ELAPOR1: variants seen among roughly 807,000 people sequenced by gnomAD.
ELAPOR1 encodes the protein endosome-lysosome associated apoptosis and autophagy regulator 1.
In ELAPOR1, 77 loss-of-function variants were observed where a neutral mutation model predicts 119.7. The observed-to-expected ratio is 0.64, with a 90% CI of 0.54 to 0.78. The LOEUF is 0.78. Ranked by LOEUF, ELAPOR1 falls within the 30% of genes least tolerant of loss-of-function variation. ELAPOR1 has a pLI of 0.00. For synonymous variants in ELAPOR1, 481 were observed against 487.2 expected (o/e 0.99, Z 0.17); for missense variants, 1,115 against 1,270.4 (o/e 0.88, Z 1.86).
intron 18 of ELAPOR1, among the ~76,000 whole-genome samples, chr1:109,199,557 G>A (rs1055443709): frequency 6.6e-6 from 1 of 150,844 alleles, no homozygotes; most frequent in African/African-American, 2.4e-5. Flanking sequence ...GAACCTCAAA[G>A]GGGTTGATGA....
At chr1:109,188,628 G>T (rs1653225391) in intron 9 of ELAPOR1, among the ~76,000 whole-genome samples, 2 of 152,058 alleles carry the variant, frequency 1.3e-5, no homozygotes, top group Non-Finnish European at 1.5e-5. Flanking sequence ...CTCAAAGCAG[G>T]GCTTCCAGCA....
chr1:109,188,461 G>T (rs1653211769), intron 9 of ELAPOR1, 107 bp downstream of exon 9: 3 of 1,327,200 alleles, frequency 2.3e-6, no homozygotes, highest in Non-Finnish European at 2.1e-6. Context: ...TCCAAGGGAG[G>T]CAGTAAGGAA....
chr1:109,177,146 C>G (rs1307660161), intron 7 of ELAPOR1, among the ~76,000 whole-genome samples: 1 of 148,932 alleles, frequency 6.7e-6, no homozygotes, highest in African/African-American at 2.5e-5. Flanking sequence ...GGGTGGTGGC[C>G]GGGCAGAGGG....
chr1:109,193,799 C>T (rs894444821), intron 14 of ELAPOR1, among the ~76,000 whole-genome samples: 9 of 152,316 alleles, frequency 5.9e-5, no homozygotes, highest in South Asian at 4.1e-4. Flanking sequence ...CAACCTCTTT[C>T]GGGTACCCTG....
Position 109,141,463 on chromosome 1 carries a change from G to A in ELAPOR1, c.154-20431G>A, listed in dbSNP as rs139462326. On this transcript the variant is annotated intron_variant, in intron 1 of 21. Transcript: ENST00000369939. Reference sequence around the variant, plus strand: ...TTTTTAGTAGAGACAGGGTTTCACCGTGTTAGCCAGGATGATCTCGAATTC... The same window carrying A: ...TTTTTAGTAGAGACAGGGTTTCACCATGTTAGCCAGGATGATCTCGAATTC... Among the ~76,000 whole-genome samples, 346 of 151,552 alleles carry A rather than the reference G, an allele frequency of 2.3e-3. 3 individuals are homozygous for A. The highest frequency in any genetic ancestry group is 8.0e-3 in the African/African-American group (331 of 41,306).
At chr1:109,173,138 AG>A (rs1652026972) in intron 5 of ELAPOR1, among the ~76,000 whole-genome samples, 1 of 139,276 alleles carries the variant, frequency 7.2e-6, no homozygotes, top group East Asian at 2.1e-4. Context: ...TATTCTGGGG[AG>A]GGGGGCTGTC....
At chr1:109,167,532 A>G (rs1457560962) in intron 3 of ELAPOR1, among the ~76,000 whole-genome samples, 1 of 152,176 alleles carries the variant, frequency 6.6e-6, no homozygotes, top group East Asian at 1.9e-4. Context: ...CTCTGCCTCA[A>G]GAGACTCCAA....
intron 1 of ELAPOR1, among the ~76,000 whole-genome samples, chr1:109,132,835 T>C (rs1649231014): frequency 6.6e-6 from 1 of 152,176 alleles, no homozygotes; most frequent in South Asian, 2.1e-4. Flanking sequence ...AATTAACTAA[T>C]GAATTAATTG....
intron 3 of ELAPOR1, among the ~76,000 whole-genome samples, chr1:109,169,537 C>T (rs1651801470): frequency 6.6e-6 from 1 of 152,172 alleles, no homozygotes; most frequent in Admixed American, 6.5e-5. Context: ...GCATGAGCCA[C>T]CACGCCCACC....
intron 7 of ELAPOR1, among the ~76,000 whole-genome samples, chr1:109,179,409 CAAA>C (rs773712424): frequency 5.9e-5 from 3 of 50,448 alleles, no homozygotes; most frequent in African/African-American, 7.4e-5. Flanking sequence ...ACTCTGTCTC[CAAA>C]AAAAAAAAAA....
chr1:109,164,293 CAT>C (rs1166120625), intron 2 of ELAPOR1, among the ~76,000 whole-genome samples: 2 of 152,232 alleles, frequency 1.3e-5, no homozygotes, highest in Admixed American at 6.5e-5. Context: ...TAGAATGACA[CAT>C]AGCAAGGAAT....
At chr1:109,127,787 C>T (rs1223930224) in intron 1 of ELAPOR1, among the ~76,000 whole-genome samples, 1 of 151,816 alleles carries the variant, frequency 6.6e-6, no homozygotes, top group African/African-American at 2.4e-5. Flanking sequence ...TGGTCTCGAA[C>T]TCCTGGGCTC....
chr1:109,188,230 G>T lies in ELAPOR1; in HGVS notation c.1095G>T (p.Glu365Asp). 6.2e-7 allele frequency: 1 copy of T among 1,613,942 alleles called. No homozygotes were observed. The highest frequency in any genetic ancestry group is 2.2e-5 in the East Asian group (1 of 44,884). ...AKPKICSEDL[E>D]GAVKLPASGV... ...CGAAAATCTGTAGCGAGGACCTTGA[G>T]GGGGCAGTGAAGCTGCCTGCCTCTG... The change falls in exon 9 of 22, where the codon GAG becomes GAT. Residue 365 changes from glutamate (E) to aspartate (D), a missense_variant. Physicochemically the swap from Glu to Asp is conservative, Grantham distance 45. Coordinates refer to ENST00000369939, the MANE Select transcript of ELAPOR1 (RefSeq NM_020775.5).
At chr1:109,165,372 A>C (rs534923533) in intron 3 of ELAPOR1, among the ~76,000 whole-genome samples, 16 of 152,238 alleles carry the variant, frequency 1.1e-4, no homozygotes, top group Admixed American at 2.0e-4. Context: ...GGATCACTTG[A>C]GGTCAGGAGT....
intron 1 of ELAPOR1, among the ~76,000 whole-genome samples, chr1:109,129,690 A>C (rs1649026727): frequency 6.6e-6 from 1 of 152,340 alleles, no homozygotes; most frequent in East Asian, 1.9e-4. Flanking sequence ...GACGGGCTTC[A>C]TACCCCAGTT....
chr1:109,166,671 G>A (rs1446515570), intron 3 of ELAPOR1, among the ~76,000 whole-genome samples: 2 of 152,132 alleles, frequency 1.3e-5, no homozygotes, highest in Admixed American at 6.5e-5. Flanking sequence ...ATTGAAATTC[G>A]AACCCAAGCT....
At chr1:109,125,643 C>T (rs1015197125) in intron 1 of ELAPOR1, among the ~76,000 whole-genome samples, 2 of 152,092 alleles carry the variant, frequency 1.3e-5, no homozygotes, top group Non-Finnish European at 2.9e-5. Flanking sequence ...CTTGGCCTCC[C>T]AAAGTGCTGG....
At chr1:109,197,688 A>AGTGTGT (rs5776967) in intron 16 of ELAPOR1, 34 bp downstream of exon 16, 569 of 1,366,564 alleles carry the variant, frequency 4.2e-4, no homozygotes, top group East Asian at 6.5e-4. Flanking sequence ...CTTGTTTGAG[A>AGTGTGT]GTGTGTGTGT....
At chr1:109,178,635 T>C (rs1016533833) in intron 7 of ELAPOR1, among the ~76,000 whole-genome samples, 7 of 152,186 alleles carry the variant, frequency 4.6e-5, no homozygotes, top group Non-Finnish European at 1.0e-4. Flanking sequence ...GCAGTAACTC[T>C]CCATGGTGTT....
Sources: gnomAD v4.1 joint callset for allele counts (sites outside exome capture counted in the v4.1 genomes callset) on GRCh38, gnomAD v4.1.1 for gene constraint, MANE v1.5 for transcripts, NCBI Gene and HGNC (gene_info 2026-07-23, HGNC 2026-07-21) for gene names.